The following CAPZA2 variants were observed in gnomAD, a reference collection of about 807,000 sequenced individuals.
CAPZA2 encodes F-actin-capping protein subunit alpha-2.
Under a neutral mutation model 44.0 loss-of-function variants are expected in CAPZA2, and 13 were observed. The ratio of observed to expected loss-of-function variants is 0.30; its 90% CI spans 0.19 to 0.47. CAPZA2 has a LOEUF of 0.47. CAPZA2 is among the 20% of genes least tolerant of loss of function. CAPZA2 has a pLI of 1.00. For synonymous variants in CAPZA2, 94 were observed against 108.2 expected (o/e 0.87, Z 0.81); for missense variants, 244 against 338.6 (o/e 0.72, Z 2.19).
intron 1 of CAPZA2, among the ~76,000 whole-genome samples, chr7:116,878,046 A>C (rs1336840293): frequency 6.6e-6 from 1 of 152,228 alleles, no homozygotes; most frequent in African/African-American, 2.4e-5. Context: ...AATGATTTCT[A>C]AGTAGTGGCA....
chr7:116,890,525 AATATAT>A (rs869031070), intron 2 of CAPZA2, among the ~76,000 whole-genome samples: 7 of 27,222 alleles, frequency 2.6e-4, no homozygotes, highest in Middle Eastern at 0.021. Flanking sequence ...AAAAAAAAAA[AATATAT>A]ATATATATAT....
chr7:116,893,223 C>G (rs1459474574), intron 3 of CAPZA2, among the ~76,000 whole-genome samples, 178 bp downstream of exon 3: 1 of 152,042 alleles, frequency 6.6e-6, no homozygotes, highest in African/African-American at 2.4e-5. Flanking sequence ...CTCTGCCTCC[C>G]GGGTACAAGC....
chr7:116,878,829 C>G (rs1796653047), intron 1 of CAPZA2, among the ~76,000 whole-genome samples: 1 of 152,070 alleles, frequency 6.6e-6, no homozygotes, highest in Non-Finnish European at 1.5e-5. Context: ...TATTCCAGGT[C>G]TATATTTAAG....
chr7:116,919,072 A>ATTTTT lies in CAPZA2; in HGVS notation c.*1211_*1215dup, dbSNP rs551179009. On this transcript the variant is annotated 3_prime_UTR_variant, in exon 10 of 10. Coordinates refer to ENST00000361183, the MANE Select transcript of CAPZA2 (RefSeq NM_006136.3). ...CTCCCACAGACGTCTGGGCCTGGAA[A>ATTTTT]TTTTTTTTTTATTTTATTTTATTGT... is the stretch of plus-strand genomic sequence containing the variant. 1 of 149,186 alleles carries ATTTTT rather than the reference A, an allele frequency of 6.7e-6. No individual in the cohort carries two copies. Among genetic ancestry groups the ATTTTT allele is most frequent in the Non-Finnish European group, 1.5e-5 (1 of 67,278 alleles). 9.2% of individuals were successfully genotyped at this position (149,186 alleles called of 1,614,324 possible).
intron 1 of CAPZA2, among the ~76,000 whole-genome samples, chr7:116,870,704 C>A (rs1341181579): frequency 6.6e-6 from 1 of 152,114 alleles, no homozygotes. Context: ...CAGTTGAGAA[C>A]CTGGCTTAAG....
chr7:116,889,524 C>G, intron 2 of CAPZA2, among the ~76,000 whole-genome samples: 1 of 150,590 alleles, frequency 6.6e-6, no homozygotes, highest in Non-Finnish European at 1.5e-5. Flanking sequence ...GTGTTTGCGA[C>G]CAGCCTGGGC....
intron 6 of CAPZA2, among the ~76,000 whole-genome samples, chr7:116,907,653 A>G (rs1020036306): frequency 5.3e-5 from 8 of 152,004 alleles, no homozygotes; most frequent in African/African-American, 1.9e-4. Flanking sequence ...CTTGAGTTTT[A>G]TTTTCTGTTT....
intron 6 of CAPZA2, among the ~76,000 whole-genome samples, chr7:116,907,214 C>G (rs1486309104): frequency 6.6e-6 from 1 of 152,184 alleles, no homozygotes; most frequent in African/African-American, 2.4e-5. Context: ...GAAATAAATG[C>G]AGGGTTGCAA....
At chr7:116,917,178 T>G (rs1334367768) in intron 9 of CAPZA2, among the ~76,000 whole-genome samples, 2 of 152,210 alleles carry the variant, frequency 1.3e-5, no homozygotes, top group Non-Finnish European at 2.9e-5. Flanking sequence ...ATATTAAGTC[T>G]AATTTATAGT....
intron 4 of CAPZA2, among the ~76,000 whole-genome samples, chr7:116,901,881 A>ATGTGTGTGTGTGTGTG (rs1554410805): frequency 8.7e-4 from 122 of 140,894 alleles, no homozygotes; most frequent in Middle Eastern, 3.7e-3. Context: ...TAACGAAGAA[A>ATGTGTGTGTGTGTGTG]TGTGTGTGTG....
intron 3 of CAPZA2, among the ~76,000 whole-genome samples, 192 bp from the exon 4 acceptor site, chr7:116,898,580 T>C (rs2301649): frequency 0.22 from 33,978 of 152,060 alleles, 3,919 homozygotes; most frequent in East Asian, 0.4. Context: ...CTGGACATCA[T>C]TGTTCAGTTT....
chr7:116,872,397 G>C (rs999954461), intron 1 of CAPZA2, among the ~76,000 whole-genome samples: 1 of 152,136 alleles, frequency 6.6e-6, no homozygotes, highest in Non-Finnish European at 1.5e-5. Context: ...CATATTTAAA[G>C]AAGAATCAAT....
intron 1 of CAPZA2, among the ~76,000 whole-genome samples, chr7:116,870,651 T>G (rs1796543998): frequency 6.6e-6 from 1 of 152,148 alleles, no homozygotes; most frequent in Admixed American, 6.5e-5. Flanking sequence ...GATTCACCCC[T>G]TGTTGAGACC....
At chr7:116,912,041 T>A (rs764356516) in intron 7 of CAPZA2, 28 bp from the exon 8 acceptor site, 1 of 1,610,132 alleles carries the variant, frequency 6.2e-7, no homozygotes, top group South Asian at 1.1e-5. Context: ...TCCTGTAATG[T>A]GGTTTCTGTA....
chr7:116,916,931 C>G lies in CAPZA2; in HGVS notation c.721-796C>G, dbSNP rs552223266. Among the ~76,000 whole-genome samples the G allele has an allele frequency of 3.3e-4, 50 of 152,140 alleles. No homozygotes were observed. In the South Asian group the frequency reaches 0.01, roughly 31 times the overall value. On this transcript the variant is annotated intron_variant, in intron 9 of 9. Transcript: ENST00000361183. ...TCAAAATATGCCAGACTTTAAGTGG[C>G]TATTTTTTTTCTGGTTGGAAATTTT...
chr7:116,892,786 A>G (rs920112228), intron 2 of CAPZA2, among the ~76,000 whole-genome samples: 3 of 146,064 alleles, frequency 2.1e-5, no homozygotes, highest in African/African-American at 5.1e-5. Flanking sequence ...ATGTATTTCT[A>G]TTTCATTCCC....
intron 4 of CAPZA2, among the ~76,000 whole-genome samples, chr7:116,902,002 T>C (rs944426762): frequency 2.0e-5 from 3 of 151,870 alleles, no homozygotes; most frequent in Admixed American, 6.6e-5. Context: ...ACAAGTTGTT[T>C]TACAGCCAAT....
At chr7:116,900,731 A>G (rs7777997) in intron 4 of CAPZA2, among the ~76,000 whole-genome samples, 9,205 of 152,216 alleles carry the variant, frequency 0.06, 927 homozygotes, top group African/African-American at 0.21. Context: ...TAAACAGACA[A>G]CCTACAGAAT....
chr7:116,883,347 G>A (rs1274050271), intron 1 of CAPZA2, among the ~76,000 whole-genome samples: 2 of 152,104 alleles, frequency 1.3e-5, no homozygotes, highest in Non-Finnish European at 2.9e-5. Flanking sequence ...AGTCAGCGAG[G>A]AGGAATGTTG....
Sources: allele counts gnomAD v4.1 joint callset (sites outside exome capture counted in the v4.1 genomes callset), GRCh38; gene constraint gnomAD v4.1.1; transcripts MANE v1.5; gene names NCBI Gene and HGNC (gene_info 2026-07-23, HGNC 2026-07-21).